GNG2: variants seen among roughly 807,000 people sequenced by gnomAD.
GNG2 encodes the protein guanine nucleotide-binding protein G(I)/G(S)/G(O) subunit gamma-2.
Under a neutral mutation model 5.5 loss-of-function variants are expected in GNG2, and 5 were observed. The ratio of observed to expected loss-of-function variants is 0.91; its 90% CI spans 0.48 to 1.92. The LOEUF (loss-of-function observed/expected upper bound fraction) is 1.92, where lower values mean the gene tolerates loss of function less well. Ranked by LOEUF, GNG2 falls within the 30% of genes most tolerant of loss-of-function variation. GNG2 has a pLI of 0.01. For missense variants in GNG2, 55 were observed against 88.4 expected (o/e 0.62, Z 1.52); for synonymous variants, 28 against 32.0 (o/e 0.88, Z 0.42).
chr14:51,876,113 T>G (rs897857751), intron 1 of GNG2, among the ~76,000 whole-genome samples: 2 of 152,006 alleles, frequency 1.3e-5, no homozygotes, highest in Non-Finnish European at 2.9e-5. Context: ...AACTTTTGAC[T>G]TTTATTGTAG....
chr14:51,930,222 T>C (rs981617057), intron 2 of GNG2, among the ~76,000 whole-genome samples: 1 of 152,244 alleles, frequency 6.6e-6, no homozygotes, highest in African/African-American at 2.4e-5. Context: ...CTTAGTAGCA[T>C]CAGCTTTGCT....
chr14:51,963,076 A>C (rs1370158647), intron 3 of GNG2, among the ~76,000 whole-genome samples: 3 of 152,250 alleles, frequency 2.0e-5, no homozygotes, highest in Non-Finnish European at 4.4e-5. Context: ...AGTGGTTAGC[A>C]CAGTTCTGAC....
At chr14:51,945,898 G>GTTTGT (rs1555357298) in intron 2 of GNG2, among the ~76,000 whole-genome samples, 6 of 151,310 alleles carry the variant, frequency 4.0e-5, no homozygotes, top group East Asian at 1.9e-4. Context: ...CTCACGTTGC[G>GTTTGT]TTGTTTGTTT....
chr14:51,936,368 A>G (rs1888003720), intron 2 of GNG2, among the ~76,000 whole-genome samples: 1 of 152,108 alleles, frequency 6.6e-6, no homozygotes, highest in African/African-American at 2.4e-5. Flanking sequence ...ACCGGTCTCA[A>G]AAATGTTCAT....
At chr14:51,848,856 C>T (rs1290263392) in intron 2 of GNG2, among the ~76,000 whole-genome samples, 1 of 152,078 alleles carries the variant, frequency 6.6e-6, no homozygotes, top group African/African-American at 2.4e-5. Flanking sequence ...GAGAAGAATG[C>T]TGAGGAATAG....
intron 2 of GNG2, among the ~76,000 whole-genome samples, chr14:51,884,346 A>C (rs555373255): frequency 6.6e-6 from 1 of 152,350 alleles, no homozygotes; most frequent in South Asian, 2.1e-4. Flanking sequence ...GCGGAACTTA[A>C]GTAATAAACC....
upstream of GNG2, among the ~76,000 whole-genome samples, chr14:51,859,243 A>G (rs906550296): frequency 4.6e-5 from 7 of 152,112 alleles, no homozygotes; most frequent in Admixed American, 4.6e-4. Flanking sequence ...TTAACTCCAT[A>G]ATGTTGCCTG....
chr14:51,878,785 T>G (rs1352088039), intron 2 of GNG2, among the ~76,000 whole-genome samples: 3 of 152,224 alleles, frequency 2.0e-5, no homozygotes, highest in South Asian at 4.1e-4. Context: ...TATAGTCAAG[T>G]TCTTTTGAAT....
chr14:51,882,884 C>G (rs1166439436), intron 2 of GNG2, among the ~76,000 whole-genome samples: 1 of 151,840 alleles, frequency 6.6e-6, no homozygotes, highest in Non-Finnish European at 1.5e-5. Flanking sequence ...GTGGCACATG[C>G]CTGTAGTCCC....
chr14:51,946,341 T>C lies in GNG2; in HGVS notation c.-29-4309T>C, dbSNP rs140017304. 4.8e-3 allele frequency among the ~76,000 whole-genome samples: 737 copies of C among 152,324 alleles called. 20 individuals are homozygous for C. The highest frequency in any genetic ancestry group is 1.2e-3 in the Non-Finnish European group (83 of 68,036). ...CAACTAACAACTAATATTCAGATGTTGTCTGATGTATGAAGAAAGTGGAAG... is the reference window on the plus strand; with the variant it reads ...CAACTAACAACTAATATTCAGATGTCGTCTGATGTATGAAGAAAGTGGAAG... On this transcript the variant is annotated intron_variant, in intron 2 of 3. Transcript: ENST00000556766.
At chr14:51,838,931 T>G (rs1197668923) in intron 2 of GNG2, among the ~76,000 whole-genome samples, 2 of 152,050 alleles carry the variant, frequency 1.3e-5, no homozygotes, top group Non-Finnish European at 2.9e-5. Flanking sequence ...TGCAAGACAC[T>G]CAGCAATAAG....
rs563240401 is a variant in GNG2 at position 51,840,862 on chromosome 14, C to T, written c.64+13055C>T. ...TTAGATAAGCAAATCCCTGAAGCTTCTCCTACCTTACAATATCCTGAGCCC... is the reference window on the plus strand; with the variant it reads ...TTAGATAAGCAAATCCCTGAAGCTTTTCCTACCTTACAATATCCTGAGCCC... On this transcript the variant is annotated intron_variant, in intron 2 of 3. Coordinates refer to the GNG2 transcript ENST00000553432. Among the ~76,000 whole-genome samples the T allele has an allele frequency of 6.6e-5, 10 of 152,304 alleles. No homozygotes were observed. In the East Asian group the frequency reaches 1.9e-3, roughly 29 times the overall value.
intron 1 of GNG2, among the ~76,000 whole-genome samples, chr14:51,863,064 CAT>C (rs917213911): frequency 1.3e-5 from 2 of 151,052 alleles, no homozygotes; most frequent in Admixed American, 1.3e-4. Context: ...CCTTGGGCCT[CAT>C]ATGGTGGACA....
At chr14:51,939,486 T>C (rs536007792) in intron 2 of GNG2, among the ~76,000 whole-genome samples, 12 of 152,358 alleles carry the variant, frequency 7.9e-5, no homozygotes, top group Admixed American at 7.2e-4. Context: ...TGATGGCTTC[T>C]GGCACCTGCG....
At chr14:51,951,932 T>C (rs1889000239) in intron 3 of GNG2, 1 of 701,382 alleles carries the variant, frequency 1.4e-6, no homozygotes. Context: ...TCAGCTCATC[T>C]GTGCGTTCCC....
intron 1 of GNG2, among the ~76,000 whole-genome samples, chr14:51,877,270 A>T (rs1050781300): frequency 6.6e-6 from 1 of 152,122 alleles, no homozygotes; most frequent in Non-Finnish European, 1.5e-5. Context: ...AGGAGGAAAG[A>T]TTGTTCTTAT....
At position 51,910,588 on chromosome 14, in the gene GNG2, T is replaced by C. The variant is rs576243078; in HGVS notation, c.-30+32931T>C. ...TTAGCCATGTACCTTTTGCTCCTCA[T>C]TGTCTACCTGGGCTTCATGGGCAAA... On this transcript the variant is annotated intron_variant, in intron 2 of 3. Transcript: ENST00000556766. 3.3e-5 allele frequency among the ~76,000 whole-genome samples: 5 copies of C among 152,306 alleles called. No homozygotes were observed. In the East Asian group the frequency reaches 7.7e-4, roughly 24 times the overall value.
intron 2 of GNG2, among the ~76,000 whole-genome samples, chr14:51,852,163 T>G (rs1881937043): frequency 6.6e-6 from 1 of 152,338 alleles, no homozygotes; most frequent in East Asian, 1.9e-4. Context: ...AACTCACTCT[T>G]TTCATTGGAA....
chr14:51,854,612 G>A (rs756585932), intron 2 of GNG2, among the ~76,000 whole-genome samples: 18 of 121,176 alleles, frequency 1.5e-4, no homozygotes, highest in Middle Eastern at 3.5e-3. Flanking sequence ...AGGGTTGCAA[G>A]CAATTTTCCT....
Sources: gnomAD v4.1 joint callset for allele counts (sites outside exome capture counted in the v4.1 genomes callset) on GRCh38, gnomAD v4.1.1 for gene constraint, MANE v1.5 for transcripts, NCBI Gene and HGNC (gene_info 2026-07-23, HGNC 2026-07-21) for gene names.